POLD2: variants seen among roughly 807,000 people sequenced by gnomAD.
The protein encoded by POLD2 is DNA polymerase delta 2, accessory subunit.
Under a neutral mutation model 48.8 loss-of-function variants are expected in POLD2, and 31 were observed. The ratio of observed to expected loss-of-function variants is 0.64; its 90% CI spans 0.48 to 0.86. The LOEUF is 0.86. POLD2 is among the 40% of genes least tolerant of loss of function. The pLI, the probability that POLD2 is intolerant of heterozygous loss-of-function variation, is 0.00. For missense variants in POLD2, 455 were observed against 610.1 expected (o/e 0.75, Z 2.68); for synonymous variants, 233 against 256.3 (o/e 0.91, Z 0.87).
At chr7:44,123,192 A>C in intron 1 of POLD2, 3 of 1,231,332 alleles carry the variant, frequency 2.4e-6, no homozygotes, top group Non-Finnish European at 3.1e-6. Flanking sequence ...AAAGTTAAAA[A>C]ATTCCCTAGC....
Position 44,116,886 on chromosome 7 carries a change from G to A in POLD2, c.711C>T (p.His237=), listed in dbSNP as rs144295402. 1.5e-5 allele frequency: 25 copies of A among 1,613,830 alleles called. No individual in the cohort carries two copies. In the East Asian group the frequency reaches 2.0e-4, roughly 13 times the overall value. Residue 237 remains histidine, a synonymous_variant, in exon 6 of 11, where the codon CAC becomes CAT. Transcript: ENST00000610533. The surrounding 1 kb of genome is among the most constrained non-coding windows in gnomAD (Gnocchi z 6.1). The part of the protein sequence containing the change: ...GDEGEQCSAA[H]VSRVILAGNL... ...TGCCAGCGAGGATAACCCGGGAGAC[G>A]TGGGCGGCGCTGCACTGCTCCCCTT...
upstream of POLD2, chr7:44,123,580 C>A: frequency 6.9e-7 from 1 of 1,457,922 alleles, no homozygotes. Flanking sequence ...CGCTAATCCC[C>A]GCGCGGCTTC....
At chr7:44,118,323 C>T in intron 2 of POLD2, 1 of 377,868 alleles carries the variant, frequency 2.6e-6, no homozygotes, top group South Asian at 3.5e-5. Flanking sequence ...GACACACAGA[C>T]AAGAGGGAGT....
chr7:44,115,338 G>T lies in POLD2; in HGVS notation c.1206C>A (p.Tyr402Ter). Residue 402 changes from tyrosine (Y) to a stop codon, truncating the protein, a stop_gained, in exon 10 of 11, where the codon TAC (tyrosine) becomes TAA (stop). Coordinates refer to ENST00000610533, the MANE Select transcript of POLD2 (RefSeq NM_006230.4). LOFTEE classifies it high-confidence loss of function. ...PFIFPECPHV[Y>*]FCGNTPSFGS... ...CAAAGCTGGGGGTGTTGCCACAAAA[G>T]TAGACATGCGGGCACTCTGGGAAGA... The T allele has an allele frequency of 6.2e-7, 1 of 1,614,164 alleles. No individual in the cohort carries two copies. Among genetic ancestry groups the T allele is most frequent in the South Asian group, 1.1e-5 (1 of 91,092 alleles).
rs1302392147 is a variant in POLD2, at chr7:44,117,685, C to T, written c.400G>A (p.Val134Ile). 6.2e-7 allele frequency: 1 copy of T among 1,612,614 alleles called. No individual in the cohort carries two copies. Residue 134 changes from valine (V) to isoleucine (I), a missense_variant, in exon 4 of 11, where the codon GTC becomes ATC. Val to Ile is a conservative substitution (Grantham distance 29). This residue lies in a region of POLD2 where 349 missense variants were observed against 437.4 expected (regional missense o/e 0.80). Transcript: ENST00000610533. ...ATACGCTGCAGTTCATCTTCCAAGACCAGCTCGTCATCTGGGTGTATGTAT... is the reference window on the plus strand; with the variant it reads ...ATACGCTGCAGTTCATCTTCCAAGATCAGCTCGTCATCTGGGTGTATGTAT... ...SKYIHPDDEL[V>I]LEDELQRIKL...
At chr7:44,123,409 G>A in intron 1 of POLD2, 102 bp downstream of exon 1, 8 of 1,452,808 alleles carry the variant, frequency 5.5e-6, no homozygotes, top group Non-Finnish European at 7.2e-6. Flanking sequence ...CGCGGCAGCT[G>A]CGGGACGTCC....
At position 44,115,909 on chromosome 7, in the gene POLD2, C is replaced by G. The variant is rs1379662010; in HGVS notation, c.1020-16G>C. 6.2e-7 allele frequency: 1 copy of G among 1,614,204 alleles called. No individual in the cohort carries two copies. Among genetic ancestry groups the G allele is most frequent in the African/African-American group, 1.3e-5 (1 of 75,072 alleles). The stretch of plus-strand genomic sequence containing the variant: ...CCCCAAAAATCTGCAAGGCAAAGCT[C>G]AGCTGACTCTTGGCTTTGGGTGCCA... On this transcript the variant is annotated splice_polypyrimidine_tract_variant and intron_variant, in intron 8 of 10. Transcript: ENST00000610533.
chr7:44,116,996 C>G lies in POLD2; in HGVS notation c.601G>C (p.Gly201Arg), dbSNP rs753675836. 1.1e-5 allele frequency: 18 copies of G among 1,613,580 alleles called. No individual in the cohort carries two copies. The highest frequency in any genetic ancestry group is 1.4e-5 in the Non-Finnish European group (17 of 1,179,938). Residue 201 changes from glycine to arginine, a missense_variant, in exon 6 of 11, where the codon GGC (glycine) becomes CGC (arginine). By Grantham distance (125) the Gly-to-Arg change is moderately radical. Around this residue, in one of 3 missense-constraint regions of POLD2, gnomAD observed 349 missense variants for 437.4 expected, o/e 0.80. Transcript: ENST00000610533. The surrounding 1 kb of genome is among the most constrained non-coding windows in gnomAD (Gnocchi z 6.1). ...CCTCCACCGCCACCCAGGCCCAGGC[C>G]GGACACCAGTAGCACAAACCTGCGG... is the stretch of plus-strand genomic sequence containing the variant. ...DTDRFVLLVS[G>R]LGLGGGGGES...
chr7:44,123,478 C>T (rs915580252), intron 1 of POLD2, 33 bp downstream of exon 1: 5 of 1,497,088 alleles, frequency 3.3e-6, no homozygotes, highest in Non-Finnish European at 4.4e-6. Flanking sequence ...ACTGCCACCC[C>T]CAGCTGACCC....
At chr7:44,123,634 C>A (rs957152727), upstream of POLD2, 1 of 1,389,114 alleles carries the variant, frequency 7.2e-7, no homozygotes, top group African/African-American at 1.5e-5. Context: ...CTCCTCGCCC[C>A]GTCCGTCACC....
chr7:44,116,916 C>A lies in POLD2; in HGVS notation c.681G>T (p.Gly227=). ...CGGCGCTGCACTGCTCCCCTTCGTC[C>A]CCAAGCTGCCCCGTCACCACATCCA... ...LLVDVVTGQL[G]DEGEQCSAAH... is the part of the protein sequence containing the mutation. Residue 227 remains glycine, a synonymous_variant, in exon 6 of 11, where the codon GGG becomes GGT. Transcript: ENST00000610533. This position sits in a 1 kb window ranked among gnomAD's most constrained non-coding sequence, Gnocchi z 6.1. 2 of 1,613,884 alleles carry A rather than the reference C, an allele frequency of 1.2e-6. No individual in the cohort carries two copies. The highest frequency in any genetic ancestry group is 1.7e-6 in the Non-Finnish European group (2 of 1,179,994).
At chr7:44,118,262 G>A in intron 2 of POLD2, 198 bp from the exon 3 acceptor site, 1 of 555,386 alleles carries the variant, frequency 1.8e-6, no homozygotes, top group African/African-American at 1.9e-5. Context: ...CAGGGACTCT[G>A]GGTGTGGTTG....
chr7:44,123,952 T>C (rs1268830057), upstream of POLD2, among the ~76,000 whole-genome samples: 1 of 152,230 alleles, frequency 6.6e-6, no homozygotes, highest in Non-Finnish European at 1.5e-5. Flanking sequence ...CCCGCAGAGC[T>C]GCCCACTTGT....
Position 44,115,820 on chromosome 7 carries a change from G to C in POLD2, c.1093C>G (p.Leu365Val). The C allele has an allele frequency of 6.2e-7, 1 of 1,614,150 alleles. No individual in the cohort carries two copies. The highest frequency in any genetic ancestry group is 8.5e-7 in the Non-Finnish European group (1 of 1,180,008). ...YSSMEDHLEI[L>V]EWTLRVRHIS... ...TGACGGACCCGCAGGGTCCACTCCA[G>C]GATCTCCAAGTGATCCTCCATGCTG... The change falls in exon 9 of 11, where the codon CTG (leucine) becomes GTG (valine). Residue 365 changes from leucine (L) to valine (V), a missense_variant. Leu to Val is a conservative substitution (Grantham distance 32). Coordinates refer to ENST00000610533, the MANE Select transcript of POLD2 (RefSeq NM_006230.4).
In POLD2 at chr7:44,114,911, G is replaced by A; in HGVS notation, c.1284C>T (p.Val428=). The change falls in exon 11 of 11, where the codon GTC becomes GTT. Residue 428 remains valine, a synonymous_variant. Transcript: ENST00000610533. ...PEDQTVLLVT[V]PDFSATQTAC... ...CGGTCTGCGTGGCACTGAAGTCAGG[G>A]ACAGTCACCAACAGCACTGTCTGGT... 1 of 1,613,276 alleles carries A rather than the reference G, an allele frequency of 6.2e-7. No individual in the cohort carries two copies. The highest frequency in any genetic ancestry group is 8.5e-7 in the Non-Finnish European group (1 of 1,179,418).
At chr7:44,118,388 G>A in intron 2 of POLD2, 2 of 225,216 alleles carry the variant, frequency 8.9e-6, no homozygotes, top group Non-Finnish European at 1.8e-5. Flanking sequence ...CACCAGGGAG[G>A]AGGCCAGGAA....
In POLD2 at chr7:44,117,960, G is replaced by A. The variant is rs753264722; in HGVS notation, c.325C>T (p.Arg109Trp). The A allele has an allele frequency of 1.6e-5, 26 of 1,613,958 alleles. No homozygotes were observed. The highest frequency in any genetic ancestry group is 1.9e-5 in the Non-Finnish European group (23 of 1,180,014). The change falls in exon 3 of 11, where the codon CGG becomes TGG. Residue 109 changes from arginine (R) to tryptophan (W), a missense_variant. This residue lies in a region of POLD2 where 349 missense variants were observed against 437.4 expected (regional missense o/e 0.80). Coordinates refer to ENST00000610533, the MANE Select transcript of POLD2 (RefSeq NM_006230.4). ...KAMPLQPSIL[R>W]EVSEEHNLLP... ...TGCCTCACCTCCTCGCTGACCTCCC[G>A]CAGGATGGAGGGCTGCAGCGGCATG...
rs754040306 is a variant in POLD2 at position 44,117,658 on chromosome 7, T to G, written c.427A>C (p.Lys143Gln). The change falls in exon 4 of 11, where the codon AAA becomes CAA. Residue 143 changes from lysine to glutamine, a missense_variant. Transcript: ENST00000610533. ...LVLEDELQRIKLKGTIDVSKL... is the reference protein window; with the variant it reads ...LVLEDELQRIQLKGTIDVSKL... Reference sequence around the variant, plus strand: ...GACACGTCAATGGTGCCTTTTAGTTTGATACGCTGCAGTTCATCTTCCAAG... The same window carrying G: ...GACACGTCAATGGTGCCTTTTAGTTGGATACGCTGCAGTTCATCTTCCAAG... 1 of 1,609,840 alleles carries G rather than the reference T, an allele frequency of 6.2e-7. No individual in the cohort carries two copies. Among genetic ancestry groups the G allele is most frequent in the African/African-American group, 1.3e-5 (1 of 75,020 alleles).
rs779409910 is a variant in POLD2, at chr7:44,122,113, C to T, written c.-56-4G>A. 9.5e-6 allele frequency: 15 copies of T among 1,581,504 alleles called. No homozygotes were observed. The highest frequency in any genetic ancestry group is 8.1e-5 in the African/African-American group (6 of 74,370). ...TCGCCCAGGCCAAGGAGGTTCACTG[C>T]GAAAACACAAAGGCATTCCTGCTGC... On this transcript the variant is annotated splice_region_variant and splice_polypyrimidine_tract_variant and intron_variant, in intron 1 of 10. Transcript: ENST00000610533.
Sources: gnomAD v4.1 joint callset for allele counts (sites outside exome capture counted in the v4.1 genomes callset) on GRCh38, gnomAD v4.1.1 for gene constraint, gnomAD v4.1.1 regional missense constraint, Gnocchi (gnomAD v3.1) non-coding constraint, MANE v1.5 for transcripts, NCBI Gene and HGNC (gene_info 2026-07-23, HGNC 2026-07-21) for gene names.